Variants in ASH1L observed in about 807,000 individuals in gnomAD.
The protein encoded by ASH1L is histone-lysine N-methyltransferase ASH1L.
In ASH1L, 23 loss-of-function variants were observed where a neutral mutation model predicts 269.0. The observed-to-expected ratio is 0.09, with a 90% confidence interval of 0.06 to 0.12. ASH1L has a LOEUF of 0.12. Ranked by LOEUF, ASH1L falls within the 10% of genes least tolerant of loss-of-function variation. The pLI is 1.00. For missense variants in ASH1L, 2,912 were observed against 3,567.8 expected (o/e 0.82, Z 4.68); for synonymous variants, 1,187 against 1,253.5 (o/e 0.95, Z 1.12).
intron 12 of ASH1L, among the ~76,000 whole-genome samples, chr1:155,369,218 C>T (rs190176884): frequency 1.2e-4 from 18 of 152,038 alleles, no homozygotes; most frequent in African/African-American, 2.9e-4. Flanking sequence ...CCGAGGCGGG[C>T]GGATCACAAG....
intron 5 of ASH1L, chr1:155,433,404 A>T: frequency 6.2e-7 from 1 of 1,606,858 alleles, no homozygotes; most frequent in Non-Finnish European, 8.5e-7. Context: ...GGGATGGCGT[A>T]CTGTGGGCCT....
At chr1:155,561,942 G>T (rs1205926885) in intron 1 of ASH1L, 1 of 488,966 alleles carries the variant, frequency 2.0e-6, no homozygotes, top group East Asian at 3.7e-5. Context: ...CCCCCTCCGG[G>T]AGTCTGCCTG....
intron 2 of ASH1L, among the ~76,000 whole-genome samples, chr1:155,514,713 G>A (rs1053209961): frequency 4.5e-4 from 69 of 152,062 alleles, no homozygotes; most frequent in African/African-American, 1.6e-3. Context: ...ACAGTACAGC[G>A]GTGGTTCAGG....
intron 4 of ASH1L, among the ~76,000 whole-genome samples, chr1:155,448,775 G>T (rs1309207196): frequency 4.6e-5 from 7 of 152,030 alleles, no homozygotes; most frequent in African/African-American, 1.7e-4. Flanking sequence ...GATTACAGGC[G>T]TGAGCAACTG....
intron 1 of ASH1L, among the ~76,000 whole-genome samples, chr1:155,553,950 C>A (rs998245346): frequency 1.3e-5 from 2 of 152,112 alleles, no homozygotes; most frequent in Admixed American, 6.6e-5. Context: ...GCGTGTGCCA[C>A]TACGCCTGGC....
chr1:155,406,483 T>C (rs560874551), intron 6 of ASH1L, among the ~76,000 whole-genome samples: 19 of 152,196 alleles, frequency 1.2e-4, no homozygotes, highest in African/African-American at 4.3e-4. Flanking sequence ...GAGGGGAGGA[T>C]TGCTTGAGGC....
At chr1:155,543,444 A>C (rs1172092283) in intron 1 of ASH1L, among the ~76,000 whole-genome samples, 1 of 139,058 alleles carries the variant, frequency 7.2e-6, no homozygotes, top group African/African-American at 2.6e-5. Context: ...CAGGAGGCAG[A>C]GGTTGCAGTG....
At chr1:155,459,073 T>A (rs562014656) in intron 4 of ASH1L, among the ~76,000 whole-genome samples, 14 of 152,036 alleles carry the variant, frequency 9.2e-5, no homozygotes, top group African/African-American at 3.4e-4. Context: ...TGTAAATATA[T>A]AAACATTAGC....
intron 2 of ASH1L, among the ~76,000 whole-genome samples, chr1:155,519,237 C>T (rs1461994503): frequency 6.6e-6 from 1 of 151,974 alleles, no homozygotes; most frequent in East Asian, 1.9e-4. Flanking sequence ...GAGTTTGAGA[C>T]CAGCCTGACC....
intron 2 of ASH1L, among the ~76,000 whole-genome samples, chr1:155,492,758 T>C (rs1666891709): frequency 6.6e-6 from 1 of 152,036 alleles, no homozygotes; most frequent in Admixed American, 6.6e-5. Context: ...TTTTTTTTCT[T>C]GTATTCCTAT....
chr1:155,481,042 G>C lies in ASH1L; in HGVS notation c.1828C>G (p.His610Asp), dbSNP rs376384988. 7 of 1,613,964 alleles carry C rather than the reference G, an allele frequency of 4.3e-6. No individual in the cohort carries two copies. Among genetic ancestry groups the C allele is most frequent in the Non-Finnish European group, 5.9e-6 (7 of 1,179,942 alleles). ...GKNQFTSEST[H>D]LNVGHRSVGH... The stretch of plus-strand genomic sequence containing the variant: ...ACTGACCTATGACCAACGTTCAAGT[G>C]GGTACTTTCAGAAGTAAACTGGTTC... The change falls in exon 3 of 28, where the codon CAC becomes GAC. Residue 610 changes from histidine to aspartate, a missense_variant. His to Asp is a moderately conservative substitution (Grantham distance 81). This residue lies in a region of ASH1L where 715 missense variants were observed against 721.0 expected (regional missense o/e 0.99). Transcript: ENST00000392403.
rs1026091535 is a variant in ASH1L at position 155,478,874 on chromosome 1, A to C, written c.3996T>G (p.Ser1332=). The change falls in exon 3 of 28, where the codon TCT becomes TCG. Residue 1332 remains serine, a synonymous_variant. Transcript: ENST00000392403. This position sits in a 1 kb window ranked among gnomAD's most constrained non-coding sequence, Gnocchi z 4.6. ...INFNSFYTHP[S]FPLDPLHYIR... is the part of the protein sequence containing the mutation. ...TGTAGTGCAAAGGGTCTAAGGGGAA[A>C]GAAGGATGTGTATAGAAACTATTAA... is the stretch of plus-strand genomic sequence containing the variant. 5 of 1,613,968 alleles carry C rather than the reference A, an allele frequency of 3.1e-6. No individual in the cohort carries two copies. In the African/African-American group the frequency reaches 6.7e-5, roughly 22 times the overall value.
Position 155,480,527 on chromosome 1 carries a change from C to G in ASH1L, c.2343G>C (p.Lys781Asn). Reference protein sequence around the residue: ...DHDFLKRRLPKLSKSTAPSLA... With the variant: ...DHDFLKRRLPNLSKSTAPSLA... ...GAGATGGAGCTGTGGATTTGCTCAA[C>G]TTTGGCAATCGGCGTTTAAGGAAGT... The change falls in exon 3 of 28, where the codon AAG becomes AAC. Residue 781 changes from lysine (K) to asparagine (N), a missense_variant. Physicochemically the swap from Lys to Asn is moderately conservative, Grantham distance 94. Coordinates refer to ENST00000392403, the MANE Select transcript of ASH1L (RefSeq NM_018489.3). The G allele has an allele frequency of 6.2e-7, 1 of 1,614,112 alleles. No individual in the cohort carries two copies. Among genetic ancestry groups the G allele is most frequent in the East Asian group, 2.2e-5 (1 of 44,890 alleles).
Position 155,481,479 on chromosome 1 carries a change from G to C in ASH1L, c.1391C>G (p.Thr464Ser). 1 of 1,614,022 alleles carries C rather than the reference G, an allele frequency of 6.2e-7. No homozygotes were observed. The highest frequency in any genetic ancestry group is 1.1e-5 in the South Asian group (1 of 91,078). Residue 464 changes from threonine to serine, a missense_variant, in exon 3 of 28, where the codon ACT (threonine) becomes AGT (serine). Thr to Ser is a moderately conservative substitution (Grantham distance 58, BLOSUM62 1). This residue lies in a region of ASH1L where 715 missense variants were observed against 721.0 expected (regional missense o/e 0.99). Transcript: ENST00000392403. ...CTGCCGTACAACATTCTTTTCAAAAGTTTTGCTGGTGGCACTATCTTTCAG... is the reference window on the plus strand; with the variant it reads ...CTGCCGTACAACATTCTTTTCAAAACTTTTGCTGGTGGCACTATCTTTCAG... ...ESLKDSATSK[T>S]FEKNVVRQNK...
At chr1:155,544,192 C>T (rs1213702812) in intron 1 of ASH1L, among the ~76,000 whole-genome samples, 1 of 151,750 alleles carries the variant, frequency 6.6e-6, no homozygotes, top group Middle Eastern at 3.2e-3. Context: ...GTGTGAGCCA[C>T]TATGACTAGC....
rs1024411810 is a variant in ASH1L, at chr1:155,336,469, A to T, written c.*1191T>A. On this transcript the variant is annotated 3_prime_UTR_variant, in exon 28 of 28. Coordinates refer to ENST00000392403, the MANE Select transcript of ASH1L (RefSeq NM_018489.3). ...TTTCTCTTATAAGAACATCTAAAAC[A>T]TATATGCATATGTATGTCTGAAAAG... The T allele has an allele frequency of 1.3e-5, 2 of 152,616 alleles. No homozygotes were observed. The highest frequency in any genetic ancestry group is 2.1e-4 in the South Asian group (1 of 4,814). 9.5% of individuals were successfully genotyped at this position (152,616 alleles called of 1,614,324 possible).
intron 2 of ASH1L, among the ~76,000 whole-genome samples, chr1:155,515,921 G>A (rs554265163): frequency 2.0e-5 from 3 of 151,288 alleles, no homozygotes; most frequent in Non-Finnish European, 2.9e-5. Context: ...AATATAACTC[G>A]GAGATTAGCC....
intron 2 of ASH1L, among the ~76,000 whole-genome samples, chr1:155,490,614 T>TCACACA (rs144278501): frequency 0.22 from 31,676 of 142,132 alleles, 3,908 homozygotes; most frequent in East Asian, 0.59. Flanking sequence ...CCAGACTACG[T>TCACACA]CACACACACA....
intron 2 of ASH1L, among the ~76,000 whole-genome samples, chr1:155,517,793 C>CTTTTTTTTT (rs780065449): frequency 7.1e-5 from 5 of 70,916 alleles, no homozygotes; most frequent in East Asian, 1.1e-3. Context: ...CCAATAATTT[C>CTTTTTTTTT]TTTTTTTTTT....
Sources: gnomAD v4.1 joint callset for allele counts (sites outside exome capture counted in the v4.1 genomes callset) on GRCh38, gnomAD v4.1.1 for gene constraint, gnomAD v4.1.1 regional missense constraint, Gnocchi (gnomAD v3.1) non-coding constraint, MANE v1.5 for transcripts, NCBI Gene and HGNC (gene_info 2026-07-23, HGNC 2026-07-21) for gene names.